PNPLA7: variants seen among roughly 807,000 people sequenced by gnomAD.
The protein encoded by PNPLA7 is patatin like domain 7, lysophospholipase.
PNPLA7 carries 153 observed loss-of-function variants against 161.7 expected under a neutral mutation model. The ratio of observed to expected loss-of-function variants is 0.95; its 90% CI spans 0.83 to 1.08. PNPLA7 has a LOEUF of 1.08. Ranked by LOEUF, PNPLA7 falls within the 50% of genes least tolerant of loss-of-function variation. PNPLA7 has a pLI of 0.00. For missense variants in PNPLA7, 1,739 were observed against 1,856.6 expected (o/e 0.94, Z 1.16); for synonymous variants, 809 against 782.1 (o/e 1.03, Z -0.57).
intron 14 of PNPLA7, among the ~76,000 whole-genome samples, chr9:137,503,444 G>C (rs926410245): frequency 1.5e-5 from 2 of 130,154 alleles, no homozygotes; most frequent in Non-Finnish European, 3.2e-5. Context: ...TGAGGAGGGG[G>C]AAGGAGAAGG....
At chr9:137,507,535 G>A (rs1014356497) in intron 12 of PNPLA7, among the ~76,000 whole-genome samples, 1 of 152,202 alleles carries the variant, frequency 6.6e-6, no homozygotes, top group Non-Finnish European at 1.5e-5. Flanking sequence ...CGGGCGTGGT[G>A]GCACATGCCT....
At chr9:137,538,098 G>C (rs1835990813) in intron 8 of PNPLA7, among the ~76,000 whole-genome samples, 1 of 152,148 alleles carries the variant, frequency 6.6e-6, no homozygotes, top group Non-Finnish European at 1.5e-5. Context: ...GGTGGATCTG[G>C]TGGCTGGGAC....
At position 137,461,985 on chromosome 9, in the gene PNPLA7, C is replaced by A. The variant is rs1245306762; in HGVS notation, c.3702G>T (p.Val1234=). The change falls in exon 32 of 35, where the codon GTG becomes GTT. Residue 1234 remains valine, a synonymous_variant. Coordinates refer to ENST00000406427, the MANE Select transcript of PNPLA7 (RefSeq NM_001098537.3). ...TVFDIWGRSG[V]LEKMLRDQQG... is the part of the protein sequence containing the mutation. ...GCTGGTCGCGGAGCATCTTCTCCAGCACGCCGCTGCGGCCCCAGATGTCAA... is the reference window on the plus strand; with the variant it reads ...GCTGGTCGCGGAGCATCTTCTCCAGAACGCCGCTGCGGCCCCAGATGTCAA... 8 of 1,601,812 alleles carry A rather than the reference C, an allele frequency of 5.0e-6. No individual in the cohort carries two copies. The highest frequency in any genetic ancestry group is 5.1e-6 in the Non-Finnish European group (6 of 1,176,830).
chr9:137,482,912 G>A (rs1832291462), intron 21 of PNPLA7, among the ~76,000 whole-genome samples: 1 of 152,196 alleles, frequency 6.6e-6, no homozygotes, highest in South Asian at 2.1e-4. Flanking sequence ...TTACTCTGTT[G>A]CCCAGGCTGG....
chr9:137,478,416 G>C, intron 24 of PNPLA7: 1 of 346,276 alleles, frequency 2.9e-6, no homozygotes, highest in Non-Finnish European at 5.2e-6. Context: ...GGGGGCCAGA[G>C]AGTGGGCCCG....
rs892166933 is a variant in PNPLA7 at position 137,546,734 on chromosome 9, T to C, written c.273+96A>G. 16 of 1,166,720 alleles carry C rather than the reference T, an allele frequency of 1.4e-5. No homozygotes were observed. In the African/African-American group the frequency reaches 2.3e-4, roughly 16 times the overall value. The allele number at this position is 1,166,720 out of a possible 1,614,324, so 72.3% of individuals were successfully genotyped here. A position where few individuals can be genotyped will look rare whatever the true frequency, so the allele number is the denominator to read the frequency against. On this transcript the variant is annotated intron_variant, in intron 4 of 34. Transcript: ENST00000406427. ...GGAGAGGACAGCACACACCAAGCAC[T>C]GCCCAGCCTGGGGGAGCCCACAGCA...
At position 137,484,582 on chromosome 9, in the gene PNPLA7, C is replaced by A. The variant is rs762981981; in HGVS notation, c.2347+5G>T. On this transcript the variant is annotated splice_donor_5th_base_variant and intron_variant, in intron 21 of 34. Transcript: ENST00000406427. The stretch of plus-strand genomic sequence containing the variant: ...ATGGCTGGAGGCTGGGAGGCTCAGG[C>A]TTACCGATGGCGCTGAGGGCATGCT... 1 of 1,594,834 alleles carries A rather than the reference C, an allele frequency of 6.3e-7. No individual in the cohort carries two copies. Among genetic ancestry groups the A allele is most frequent in the South Asian group, 1.1e-5 (1 of 89,002 alleles).
intron 22 of PNPLA7, 70 bp from the exon 23 acceptor site, chr9:137,480,550 CA>C (rs1303542620): frequency 6.6e-7 from 1 of 1,511,910 alleles, no homozygotes; most frequent in African/African-American, 1.4e-5. Context: ...GTCCCCGGGG[CA>C]AAGAGGCAGC....
Position 137,521,753 on chromosome 9 carries a change from C to G in PNPLA7, c.877-37G>C, listed in dbSNP as rs1835003888. On this transcript the variant is annotated intron_variant, in intron 9 of 34. Transcript: ENST00000406427. ...CGCCAGCTGCGCGGTGACCACCGGCCTGGGGTACAGGGCGGGCCCCCGGCA... is the reference window on the plus strand; with the variant it reads ...CGCCAGCTGCGCGGTGACCACCGGCGTGGGGTACAGGGCGGGCCCCCGGCA... 2.5e-6 allele frequency: 4 copies of G among 1,590,184 alleles called. No homozygotes were observed. In the Admixed American group the frequency reaches 6.9e-5, roughly 27 times the overall value.
intron 20 of PNPLA7, chr9:137,491,716 C>T (rs1832772670): frequency 8.1e-6 from 8 of 985,488 alleles, no homozygotes; most frequent in Non-Finnish European, 9.6e-6. Flanking sequence ...GTGTGGCCCT[C>T]TGTGCATCCA....
chr9:137,528,729 CTCGCT>C (rs1564357137), intron 8 of PNPLA7, among the ~76,000 whole-genome samples: 1 of 146,258 alleles, frequency 6.8e-6, no homozygotes, highest in Non-Finnish European at 1.5e-5. Context: ...GAGATGGAGT[CTCGCT>C]CTCTTGCCCA....
At chr9:137,508,553 G>C (rs932683896) in intron 12 of PNPLA7, among the ~76,000 whole-genome samples, 11 of 151,884 alleles carry the variant, frequency 7.2e-5, no homozygotes, top group Admixed American at 7.2e-4. Context: ...GGCAACAAGA[G>C]CGAGACTCTG....
intron 21 of PNPLA7, 42 bp downstream of exon 21, chr9:137,484,545 C>T (rs748754189): frequency 4.7e-5 from 73 of 1,546,778 alleles, no homozygotes; most frequent in Non-Finnish European, 6.0e-5. Flanking sequence ...CCACCAGGCC[C>T]AGAACCCAAG....
rs117215343 is a variant in PNPLA7 at position 137,535,342 on chromosome 9, A to C, written c.747+5300T>G. Among the ~76,000 whole-genome samples the C allele has an allele frequency of 5.3e-3, 815 of 152,352 alleles. 7 individuals carry two copies. The highest frequency in any genetic ancestry group is 6.2e-3 in the Non-Finnish European group (422 of 68,032). On this transcript the variant is annotated intron_variant, in intron 8 of 34. Transcript: ENST00000406427. Reference sequence around the variant, plus strand: ...ACAGAAGCCAAAATAAACAGAGAAGAAAAACTCAGGTCAGAAACAACTCAG... The same window carrying C: ...ACAGAAGCCAAAATAAACAGAGAAGCAAAACTCAGGTCAGAAACAACTCAG...
chr9:137,547,695 C>T lies in PNPLA7; in HGVS notation c.31-36G>A, dbSNP rs1427885089. 6.3e-7 allele frequency: 1 copy of T among 1,599,330 alleles called. No individual in the cohort carries two copies. The highest frequency in any genetic ancestry group is 8.6e-7 in the Non-Finnish European group (1 of 1,167,758). On this transcript the variant is annotated intron_variant, in intron 1 of 34. Coordinates refer to ENST00000406427, the MANE Select transcript of PNPLA7 (RefSeq NM_001098537.3). The surrounding 1 kb of genome is among the most constrained non-coding windows in gnomAD (Gnocchi z 4.6). ...GAGCATGGGGTCAGGTGGGCATGGA[C>T]AGGCTTCCCAGCCCGAACTTGTTCA...
intron 25 of PNPLA7, among the ~76,000 whole-genome samples, chr9:137,475,068 G>A (rs908818487): frequency 1.3e-5 from 2 of 149,692 alleles, no homozygotes; most frequent in African/African-American, 4.9e-5. Context: ...ATAAGAGGGA[G>A]GTAAACATTT....
At chr9:137,498,478 C>T (rs1349484183) in intron 16 of PNPLA7, among the ~76,000 whole-genome samples, 1 of 152,272 alleles carries the variant, frequency 6.6e-6, no homozygotes, top group Non-Finnish European at 1.5e-5. Context: ...CAGAGAGCCC[C>T]CTCCTGGCAG....
chr9:137,536,182 A>G (rs1300585247), intron 8 of PNPLA7, among the ~76,000 whole-genome samples: 1 of 152,000 alleles, frequency 6.6e-6, no homozygotes, highest in Non-Finnish European at 1.5e-5. Flanking sequence ...GAAAAAGTAC[A>G]ACAAAAAGAC....
At position 137,495,048 on chromosome 9, in the gene PNPLA7, C is replaced by T. The variant is rs1832976518; in HGVS notation, c.2112G>A (p.Lys704=). 2 of 1,610,198 alleles carry T rather than the reference C, an allele frequency of 1.2e-6. No homozygotes were observed. Among genetic ancestry groups the T allele is most frequent in the Non-Finnish European group, 1.7e-6 (2 of 1,179,178 alleles). Residue 704 remains lysine, a synonymous_variant, in exon 19 of 35, where the codon AAG becomes AAA. Transcript: ENST00000406427. The part of the protein sequence containing the change: ...KLPAGALTSI[K]RRYPQVVTRL... ...CCATGCTCACCTGTGGGTACCTGCG[C>T]TTGATGGACGTGAGGGCTCCTGCCG...
Sources: allele counts gnomAD v4.1 joint callset (sites outside exome capture counted in the v4.1 genomes callset), GRCh38; gene constraint gnomAD v4.1.1; non-coding constraint Gnocchi (gnomAD v3.1); transcripts MANE v1.5; gene names NCBI Gene and HGNC (gene_info 2026-07-23, HGNC 2026-07-21).